The following SYT1 variants were observed in gnomAD, a reference collection of about 807,000 sequenced individuals.
SYT1 encodes synaptotagmin 1.
In SYT1, 8 loss-of-function variants were observed where a neutral mutation model predicts 44.8. The ratio of observed to expected loss-of-function variants is 0.18; its 90% CI spans 0.10 to 0.32. SYT1 has a LOEUF of 0.32. Ranked by LOEUF, SYT1 falls within the 10% of genes least tolerant of loss-of-function variation. The pLI, the probability that SYT1 is intolerant of heterozygous loss-of-function variation, is 1.00. For synonymous variants in SYT1, 154 were observed against 188.8 expected, an observed-to-expected ratio of 0.82 and a Z score of 1.51; for missense variants, 286 against 509.3, an observed-to-expected ratio of 0.56 and a Z score of 4.22.
chr12:78,909,923 A>C (rs764060357), intron 1 of SYT1, among the ~76,000 whole-genome samples: 9 of 151,926 alleles, frequency 5.9e-5, no homozygotes, highest in Non-Finnish European at 1.0e-4. Flanking sequence ...AATAATAGTC[A>C]TTCATAAAGT....
chr12:79,187,810 T>C (rs1039851262), intron 3 of SYT1, among the ~76,000 whole-genome samples: 1 of 152,122 alleles, frequency 6.6e-6, no homozygotes, highest in Non-Finnish European at 1.5e-5. Context: ...CTCGCTGATA[T>C]GTTGGAATGT....
chr12:79,018,245 C>CA (rs545787526), intron 2 of SYT1, among the ~76,000 whole-genome samples: 41 of 146,824 alleles, frequency 2.8e-4, no homozygotes, highest in Middle Eastern at 7.0e-3. Flanking sequence ...ATCGCAAGGA[C>CA]AAAAAACCAA....
chr12:78,935,959 T>G (rs1878029208), intron 1 of SYT1, among the ~76,000 whole-genome samples: 1 of 152,112 alleles, frequency 6.6e-6, no homozygotes, highest in South Asian at 2.1e-4. Flanking sequence ...CATAAAGTAT[T>G]TCCAAGTACA....
chr12:79,191,940 A>T (rs1487750201), intron 3 of SYT1, among the ~76,000 whole-genome samples: 1 of 152,254 alleles, frequency 6.6e-6, no homozygotes, highest in Non-Finnish European at 1.5e-5. Context: ...TGAAAAAAAT[A>T]AAAAAGGTTC....
At chr12:79,276,477 ACCATCCTGG>A (rs935978324) in intron 4 of SYT1, among the ~76,000 whole-genome samples, 9 of 152,042 alleles carry the variant, frequency 5.9e-5, no homozygotes, top group Non-Finnish European at 1.3e-4. Flanking sequence ...AGAGATCGAG[ACCATCCTGG>A]CCAACATGGT....
chr12:78,928,565 T>G (rs1381429052), intron 1 of SYT1, among the ~76,000 whole-genome samples: 2 of 152,106 alleles, frequency 1.3e-5, no homozygotes, highest in Non-Finnish European at 2.9e-5. Context: ...CTCACCAACA[T>G]TACTATTGTG....
chr12:79,187,887 A>C (rs1016221831), intron 3 of SYT1, among the ~76,000 whole-genome samples: 1 of 152,140 alleles, frequency 6.6e-6, no homozygotes, highest in Admixed American at 6.6e-5. Flanking sequence ...GGCACAAGCT[A>C]ATCTTTACAT....
chr12:79,322,810 G>C (rs1450243963), intron 8 of SYT1, among the ~76,000 whole-genome samples: 1 of 152,038 alleles, frequency 6.6e-6, no homozygotes, highest in Admixed American at 6.6e-5. Context: ...ACTTTCTGAA[G>C]ACACTAAAAT....
chr12:79,400,970 G>A (rs1039385046), intron 9 of SYT1, among the ~76,000 whole-genome samples: 1 of 152,148 alleles, frequency 6.6e-6, no homozygotes, highest in Non-Finnish European at 1.5e-5. Context: ...CTAGCAGTTA[G>A]GGACATGTCA....
At chr12:78,985,459 G>T (rs1025626890) in intron 2 of SYT1, among the ~76,000 whole-genome samples, 4 of 151,590 alleles carry the variant, frequency 2.6e-5, no homozygotes, top group African/African-American at 7.3e-5. Context: ...TAATCATTTG[G>T]GGTTAGTGGT....
At chr12:79,291,600 C>T (rs962747557) in intron 5 of SYT1, among the ~76,000 whole-genome samples, 9 of 152,082 alleles carry the variant, frequency 5.9e-5, no homozygotes, top group African/African-American at 9.7e-5. Context: ...CTGCATGTAG[C>T]GATGATATTT....
chr12:79,311,733 T>C (rs901904772), intron 8 of SYT1, among the ~76,000 whole-genome samples: 1 of 142,392 alleles, frequency 7.0e-6, no homozygotes, highest in African/African-American at 2.6e-5. Context: ...ATGGATGAAA[T>C]TGGAAATCAT....
chr12:79,198,171 CCTTAT>C (rs1318492537), intron 3 of SYT1, among the ~76,000 whole-genome samples: 6 of 152,040 alleles, frequency 3.9e-5, no homozygotes, highest in African/African-American at 9.7e-5. Context: ...ATTCTCAGCT[CCTTAT>C]CTTTGGCGTT....
intron 1 of SYT1, among the ~76,000 whole-genome samples, chr12:78,908,743 A>C (rs1370774216): frequency 6.6e-6 from 1 of 152,012 alleles, no homozygotes; most frequent in Non-Finnish European, 1.5e-5. Context: ...GAATAAAAAG[A>C]ATTCATGGAA....
intron 4 of SYT1, among the ~76,000 whole-genome samples, chr12:79,278,861 A>G (rs990074055): frequency 3.3e-5 from 5 of 152,062 alleles, no homozygotes; most frequent in African/African-American, 4.8e-5. Context: ...GTATTATTCA[A>G]GATTACTCTG....
At chr12:79,435,970 C>T (rs1461247333) in intron 9 of SYT1, among the ~76,000 whole-genome samples, 1 of 152,304 alleles carries the variant, frequency 6.6e-6, no homozygotes, top group East Asian at 1.9e-4. Context: ...ATACATATCA[C>T]TTCCCTGTAA....
intron 10 of SYT1, among the ~76,000 whole-genome samples, chr12:79,447,464 A>G (rs1038546263): frequency 6.6e-6 from 1 of 152,224 alleles, no homozygotes; most frequent in East Asian, 1.9e-4. Context: ...TAAACTACAT[A>G]TGCAGCTGGA....
intron 2 of SYT1, among the ~76,000 whole-genome samples, chr12:79,026,390 T>G (rs1872529875): frequency 6.6e-6 from 1 of 151,434 alleles, no homozygotes; most frequent in Admixed American, 6.6e-5. Context: ...GTGTAATGCA[T>G]TTATATATTG....
intron 4 of SYT1, among the ~76,000 whole-genome samples, chr12:79,257,462 TTTTTG>T (rs895666083): frequency 2.0e-5 from 3 of 152,136 alleles, no homozygotes; most frequent in Admixed American, 6.5e-5. Context: ...ACATTGCTGT[TTTTTG>T]TTTTGTTTTG....
Sources: gnomAD v4.1 joint callset for allele counts (sites outside exome capture counted in the v4.1 genomes callset) on GRCh38, gnomAD v4.1.1 for gene constraint, MANE v1.5 for transcripts, NCBI Gene and HGNC (gene_info 2026-07-23, HGNC 2026-07-21) for gene names.